EYA4: variants seen among roughly 807,000 people sequenced by gnomAD.
EYA4 encodes the protein EYA transcriptional coactivator and phosphatase 4.
A neutral mutation model predicts 87.9 loss-of-function variants in EYA4; 31 were observed. The observed-to-expected ratio is 0.35, with a 90% CI of 0.27 to 0.48. EYA4 has a LOEUF of 0.48. EYA4 is among the 20% of genes least tolerant of loss of function. The pLI is 0.99. For synonymous variants in EYA4, 263 were observed against 270.6 expected (o/e 0.97, Z 0.28); for missense variants, 678 against 761.4 (o/e 0.89, Z 1.29).
rs148077051 is a variant in EYA4, at chr6:133,461,882, C to T, written c.438-453C>T. ...TTTTTAAATTTCCAATTCTTGGGAG[C>T]GAATTCTTAGTAGGGCTTTTAAATA... On this transcript the variant is annotated intron_variant, in intron 7 of 19. Coordinates refer to ENST00000355286, the MANE Select transcript of EYA4 (RefSeq NM_004100.5). Among the ~76,000 whole-genome samples the T allele has an allele frequency of 4.0e-3, 588 of 146,508 alleles. 4 individuals are homozygous for T. The highest frequency in any genetic ancestry group is 0.014 in the African/African-American group (566 of 39,696).
chr6:133,302,470 A>G (rs1562266639), intron 2 of EYA4, among the ~76,000 whole-genome samples: 1 of 152,200 alleles, frequency 6.6e-6, no homozygotes, highest in Admixed American at 6.5e-5. Context: ...TCGTTTCTCA[A>G]TTGAATGTGT....
At chr6:133,310,826 A>C (rs1780155770) in intron 2 of EYA4, among the ~76,000 whole-genome samples, 1 of 152,250 alleles carries the variant, frequency 6.6e-6, no homozygotes, top group South Asian at 2.1e-4. Context: ...AGGATAATTT[A>C]ACAACATGCC....
intron 2 of EYA4, among the ~76,000 whole-genome samples, chr6:133,357,466 C>G (rs1479300048): frequency 6.6e-6 from 1 of 152,088 alleles, no homozygotes; most frequent in Non-Finnish European, 1.5e-5. Flanking sequence ...TTGTTTTGAT[C>G]TAATTAAATT....
chr6:133,484,261 C>T (rs759701868), intron 13 of EYA4, among the ~76,000 whole-genome samples: 81 of 152,164 alleles, frequency 5.3e-4, no homozygotes, highest in Non-Finnish European at 5.1e-4. Flanking sequence ...TTACATATCA[C>T]GCTTACAGAA....
chr6:133,418,927 G>A lies in EYA4; in HGVS notation c.84-27703G>A, dbSNP rs564386249. Among the ~76,000 whole-genome samples the A allele has an allele frequency of 1.3e-5, 2 of 152,198 alleles. 1 individual carries two copies. The highest frequency in any genetic ancestry group is 4.1e-4 in the South Asian group (2 of 4,822). On this transcript the variant is annotated intron_variant, in intron 3 of 19. Coordinates refer to ENST00000355286, the MANE Select transcript of EYA4 (RefSeq NM_004100.5). ...GGCCTTCTGTTCCTTTTGTTGATAA[G>A]GATGAATAGAATGATATAATGCCCT...
At chr6:133,369,141 G>C (rs1785075501) in intron 2 of EYA4, among the ~76,000 whole-genome samples, 1 of 152,142 alleles carries the variant, frequency 6.6e-6, no homozygotes, top group Non-Finnish European at 1.5e-5. Flanking sequence ...GATCTGTTAA[G>C]ACATTTTTGA....
chr6:133,440,381 G>T (rs1425342925), intron 3 of EYA4, among the ~76,000 whole-genome samples: 1 of 152,122 alleles, frequency 6.6e-6, no homozygotes, highest in Non-Finnish European at 1.5e-5. Context: ...AATAGGAAGG[G>T]CACTTCAGGA....
At chr6:133,260,471 C>T (rs1775710611) in intron 1 of EYA4, among the ~76,000 whole-genome samples, 1 of 152,170 alleles carries the variant, frequency 6.6e-6, no homozygotes. Flanking sequence ...CTCCTGACCT[C>T]AAGTGATCTG....
chr6:133,321,509 T>C (rs1781089205), intron 2 of EYA4, among the ~76,000 whole-genome samples: 1 of 152,210 alleles, frequency 6.6e-6, no homozygotes, highest in Non-Finnish European at 1.5e-5. Flanking sequence ...CCAGTTGTTG[T>C]TTGCAGAAGT....
At chr6:133,293,465 A>G (rs903077111) in intron 2 of EYA4, among the ~76,000 whole-genome samples, 14 of 152,068 alleles carry the variant, frequency 9.2e-5, no homozygotes, top group African/African-American at 3.1e-4. Context: ...AAAAATCATG[A>G]ATGAGAATAA....
chr6:133,385,982 G>C (rs1786717029), intron 3 of EYA4, among the ~76,000 whole-genome samples: 1 of 152,084 alleles, frequency 6.6e-6, no homozygotes, highest in African/African-American at 2.4e-5. Flanking sequence ...TACTAAACTT[G>C]ATGTCATGTG....
At chr6:133,360,912 C>G (rs1431252941) in intron 2 of EYA4, among the ~76,000 whole-genome samples, 1 of 152,186 alleles carries the variant, frequency 6.6e-6, no homozygotes. Flanking sequence ...TTCTTGTATG[C>G]TTTGAGAGTT....
intron 2 of EYA4, among the ~76,000 whole-genome samples, chr6:133,376,692 T>A (rs1460396687): frequency 1.3e-5 from 2 of 151,890 alleles, no homozygotes; most frequent in African/African-American, 4.8e-5. Context: ...TTGGAAACAT[T>A]AAAAAAATTA....
intron 3 of EYA4, among the ~76,000 whole-genome samples, chr6:133,445,907 GC>G (rs1792786416): frequency 6.6e-6 from 1 of 152,158 alleles, no homozygotes; most frequent in Non-Finnish European, 1.5e-5. Flanking sequence ...AAGATGGTCA[GC>G]CCTTCAAGAA....
At chr6:133,278,012 C>T (rs1777318286) in intron 2 of EYA4, among the ~76,000 whole-genome samples, 1 of 152,210 alleles carries the variant, frequency 6.6e-6, no homozygotes, top group Admixed American at 6.5e-5. Flanking sequence ...CACTACCTTC[C>T]TTTTTATCCT....
At chr6:133,283,837 C>A (rs1486617830) in intron 2 of EYA4, among the ~76,000 whole-genome samples, 1 of 152,150 alleles carries the variant, frequency 6.6e-6, no homozygotes, top group African/African-American at 2.4e-5. Flanking sequence ...ACCTGCCCAC[C>A]CTTCTCCAGT....
chr6:133,303,212 G>A (rs948661178), intron 2 of EYA4, among the ~76,000 whole-genome samples: 1 of 152,034 alleles, frequency 6.6e-6, no homozygotes, highest in African/African-American at 2.4e-5. Flanking sequence ...TAACCATATT[G>A]GTATTCAGTG....
At position 133,350,672 on chromosome 6, in the gene EYA4, T is replaced by A. The variant is rs1056010000; in HGVS notation, c.34-31720T>A. ...TTGGCCCCTGTGGCTCTATTCTTTGTCGTTTGCTCTCTGTATCTTTTTCGT... is the reference window on the plus strand; with the variant it reads ...TTGGCCCCTGTGGCTCTATTCTTTGACGTTTGCTCTCTGTATCTTTTTCGT... On this transcript the variant is annotated intron_variant, in intron 2 of 19. Transcript: ENST00000355286. Among the ~76,000 whole-genome samples, 7 of 152,116 alleles carry A rather than the reference T, an allele frequency of 4.6e-5. No homozygotes were observed. In the East Asian group the frequency reaches 1.2e-3, roughly 25 times the overall value.
chr6:133,516,234 T>A (rs1304471667), intron 17 of EYA4, among the ~76,000 whole-genome samples: 2 of 151,976 alleles, frequency 1.3e-5, no homozygotes, highest in Non-Finnish European at 2.9e-5. Flanking sequence ...GGGGCCTACT[T>A]GAGGGTGAAG....
Sources: allele counts gnomAD v4.1 joint callset (sites outside exome capture counted in the v4.1 genomes callset), GRCh38; gene constraint gnomAD v4.1.1; transcripts MANE v1.5; gene names NCBI Gene and HGNC (gene_info 2026-07-23, HGNC 2026-07-21).